Variants in MDGA2 observed in about 807,000 individuals in gnomAD.
The protein encoded by MDGA2 is MAM domain-containing glycosylphosphatidylinositol anchor protein 2.
MDGA2 carries 40 observed loss-of-function variants against 117.8 expected under a neutral mutation model. The observed-to-expected ratio is 0.34, with a 90% confidence interval of 0.26 to 0.44. The LOEUF (loss-of-function observed/expected upper bound fraction) is 0.44. Ranked by LOEUF, MDGA2 falls within the 20% of genes least tolerant of loss-of-function variation. The pLI, the probability that MDGA2 is intolerant of heterozygous loss-of-function variation, is 1.00. For synonymous variants in MDGA2, 452 were observed against 439.0 expected (o/e 1.03, Z -0.37); for missense variants, 1,123 against 1,250.6 (o/e 0.90, Z 1.54).
chr14:46,914,516 C>G (rs1005054603), intron 10 of MDGA2, among the ~76,000 whole-genome samples: 4 of 152,008 alleles, frequency 2.6e-5, no homozygotes, highest in African/African-American at 9.7e-5. Context: ...TCTGAGACAA[C>G]TTTCCTAATC....
At chr14:47,413,904 T>A (rs749768723) in intron 1 of MDGA2, among the ~76,000 whole-genome samples, 31 of 152,216 alleles carry the variant, frequency 2.0e-4, no homozygotes, top group Middle Eastern at 3.4e-3. Flanking sequence ...CAACCTTCAA[T>A]TCTGTTATGA....
chr14:46,887,518 A>G (rs1882720262), intron 10 of MDGA2, among the ~76,000 whole-genome samples: 1 of 151,990 alleles, frequency 6.6e-6, no homozygotes. Context: ...ACGCCAGCAT[A>G]CAATGTATTT....
chr14:47,033,337 C>T (rs992388165), intron 8 of MDGA2, among the ~76,000 whole-genome samples: 27 of 135,830 alleles, frequency 2.0e-4, no homozygotes, highest in Non-Finnish European at 3.2e-4. Flanking sequence ...CTAGTATCAG[C>T]TTCTGCAGAA....
chr14:47,192,576 C>T (rs989645876), intron 3 of MDGA2, among the ~76,000 whole-genome samples: 2 of 151,704 alleles, frequency 1.3e-5, no homozygotes, highest in Non-Finnish European at 1.5e-5. Flanking sequence ...CTGAGATCAC[C>T]CCATTGCACT....
intron 4 of MDGA2, among the ~76,000 whole-genome samples, chr14:47,136,428 C>A (rs1566644971): frequency 6.6e-6 from 1 of 151,980 alleles, no homozygotes; most frequent in South Asian, 2.1e-4. Context: ...AACTCCTGGC[C>A]TCAAGTGATC....
intron 1 of MDGA2, among the ~76,000 whole-genome samples, chr14:47,620,951 G>C (rs572375900): frequency 6.6e-6 from 1 of 152,242 alleles, no homozygotes; most frequent in South Asian, 2.1e-4. Context: ...TAATCACTGA[G>C]CATCTCCAAT....
At chr14:47,356,588 A>C (rs1890998553) in intron 1 of MDGA2, among the ~76,000 whole-genome samples, 1 of 152,158 alleles carries the variant, frequency 6.6e-6, no homozygotes, top group Non-Finnish European at 1.5e-5. Flanking sequence ...GGTGGAAAGA[A>C]GGGGATCCAA....
At chr14:46,919,170 T>A (rs1376708694) in intron 10 of MDGA2, among the ~76,000 whole-genome samples, 1 of 152,202 alleles carries the variant, frequency 6.6e-6, no homozygotes, top group East Asian at 1.9e-4. Flanking sequence ...TCAGTCTTAC[T>A]CGATGAAAAT....
intron 3 of MDGA2, among the ~76,000 whole-genome samples, chr14:47,155,187 A>G (rs886256382): frequency 5.3e-5 from 8 of 152,056 alleles, no homozygotes; most frequent in Admixed American, 5.2e-4. Context: ...GACCTGTGCT[A>G]TTGCTCAATA....
intron 1 of MDGA2, among the ~76,000 whole-genome samples, chr14:47,563,145 T>G (rs1254552527): frequency 4.6e-5 from 7 of 152,182 alleles, no homozygotes. Context: ...TGAGGATTGC[T>G]TGATGTCTGA....
chr14:47,343,044 C>T (rs183611277), intron 1 of MDGA2: 44 of 1,284,820 alleles, frequency 3.4e-5, no homozygotes, highest in Admixed American at 1.8e-4. Flanking sequence ...GCAGCACTAC[C>T]GTGAGTCCTG....
chr14:47,670,799 A>T (rs1898060607), intron 1 of MDGA2, among the ~76,000 whole-genome samples: 1 of 152,190 alleles, frequency 6.6e-6, no homozygotes, highest in African/African-American at 2.4e-5. Context: ...ACAAAACTTT[A>T]ACATTCCAAG....
chr14:46,949,159 A>C lies in MDGA2; in HGVS notation c.2089+8215T>G, dbSNP rs189158744. On this transcript the variant is annotated intron_variant, in intron 9 of 16. Coordinates refer to ENST00000399232, the MANE Select transcript of MDGA2 (RefSeq NM_001113498.3). Reference sequence around the variant, plus strand: ...ACAGATAGAGGAAGCAAGGCCACAAAGAATTAAATGGCTTGCACAGAGCTA... The same window carrying C: ...ACAGATAGAGGAAGCAAGGCCACAACGAATTAAATGGCTTGCACAGAGCTA... Among the ~76,000 whole-genome samples, 4 of 152,202 alleles carry C rather than the reference A, an allele frequency of 2.6e-5. No individual in the cohort carries two copies. The East Asian group carries it at 7.7e-4, about 29-fold the overall frequency.
At chr14:47,125,265 G>A (rs1881842784) in intron 5 of MDGA2, among the ~76,000 whole-genome samples, 1 of 152,082 alleles carries the variant, frequency 6.6e-6, no homozygotes, top group Non-Finnish European at 1.5e-5. Context: ...TATCGCAAGA[G>A]AAATTGTTTT....
intron 1 of MDGA2, among the ~76,000 whole-genome samples, chr14:47,469,813 CT>C (rs1376183931): frequency 6.6e-6 from 1 of 152,170 alleles, no homozygotes; most frequent in Non-Finnish European, 1.5e-5. Context: ...TCTCCAGCAC[CT>C]GTTGTTTCCT....
intron 1 of MDGA2, among the ~76,000 whole-genome samples, chr14:47,631,385 A>G (rs1475182042): frequency 1.3e-5 from 2 of 152,152 alleles, no homozygotes; most frequent in Admixed American, 1.3e-4. Flanking sequence ...CTTTCCAGGA[A>G]CCTCCCTAAA....
intron 1 of MDGA2, among the ~76,000 whole-genome samples, chr14:47,442,513 A>C (rs1000605777): frequency 1.3e-5 from 2 of 152,152 alleles, no homozygotes; most frequent in African/African-American, 2.4e-5. Flanking sequence ...ACTGGAGATG[A>C]GGTCAGTAGT....
At chr14:47,613,117 A>AT (rs1325122104) in intron 1 of MDGA2, among the ~76,000 whole-genome samples, 1 of 152,100 alleles carries the variant, frequency 6.6e-6, no homozygotes, top group Non-Finnish European at 1.5e-5. Flanking sequence ...TTTCTTTTTC[A>AT]TACCAACTCT....
Position 46,855,087 on chromosome 14 carries a change from A to G in MDGA2, c.2820T>C (p.Ser940=). Residue 940 remains serine (S), a synonymous_variant, in exon 15 of 17, where the codon AGT becomes AGC. Transcript: ENST00000399232. The surrounding 1 kb of genome is among the most constrained non-coding windows in gnomAD (Gnocchi z 4.1). ...CATTCCATCTTTGTCCTTTATTCCC[A>G]CTTGAAGACCACAGTGGATTCTCTA... The part of the protein sequence containing the change: ...TTIENPLWSS[S]GNKGQRWNEA... The G allele has an allele frequency of 6.2e-7, 1 of 1,611,900 alleles. No individual in the cohort carries two copies. The highest frequency in any genetic ancestry group is 2.2e-5 in the East Asian group (1 of 44,660).
Sources: allele counts gnomAD v4.1 joint callset (sites outside exome capture counted in the v4.1 genomes callset), GRCh38; gene constraint gnomAD v4.1.1; non-coding constraint Gnocchi (gnomAD v3.1); transcripts MANE v1.5; gene names NCBI Gene and HGNC (gene_info 2026-07-23, HGNC 2026-07-21).